NUP205: variants seen among roughly 807,000 people sequenced by gnomAD.
NUP205 encodes the protein nucleoporin 205.
Under a neutral mutation model 253.8 loss-of-function variants are expected in NUP205, and 76 were observed. The ratio of observed to expected loss-of-function variants is 0.30; its 90% confidence interval spans 0.25 to 0.36. The LOEUF (loss-of-function observed/expected upper bound fraction) is 0.36. Among genes scored for constraint, NUP205 ranks in the 10% least tolerant of loss-of-function variants. The pLI is 1.00. For synonymous variants in NUP205, 832 were observed against 850.1 expected (o/e 0.98, Z 0.37); for missense variants, 2,162 against 2,425.5 (o/e 0.89, Z 2.28).
chr7:135,609,350 C>T (rs1213089860), intron 22 of NUP205, among the ~76,000 whole-genome samples: 3 of 151,498 alleles, frequency 2.0e-5, no homozygotes, highest in African/African-American at 7.3e-5. Flanking sequence ...TGGTGGCTGG[C>T]ACCTGTGGTC....
intron 21 of NUP205, 103 bp from the exon 22 acceptor site, chr7:135,607,144 A>G: frequency 7.2e-7 from 1 of 1,384,078 alleles, no homozygotes; most frequent in Non-Finnish European, 9.9e-7. Context: ...GAGTGTTTAC[A>G]GTACAGCATA....
chr7:135,606,254 G>A (rs762719518), intron 20 of NUP205, 28 bp downstream of exon 20: 27 of 1,351,742 alleles, frequency 2.0e-5, no homozygotes, highest in East Asian at 4.6e-5. Flanking sequence ...GTGCATACAC[G>A]CATTCTTTTA....
chr7:135,620,233 G>T (rs1794447535), intron 30 of NUP205, among the ~76,000 whole-genome samples: 1 of 152,040 alleles, frequency 6.6e-6, no homozygotes, highest in African/African-American at 2.4e-5. Context: ...TTATCTAGTT[G>T]ATTCTTTTAA....
chr7:135,597,874 CAG>C, intron 14 of NUP205, 122 bp from the exon 15 acceptor site: 1 of 766,134 alleles, frequency 1.3e-6, no homozygotes, highest in Non-Finnish European at 2.1e-6. Flanking sequence ...AAATGAAAAA[CAG>C]AAATATCTGT....
intron 40 of NUP205, 147 bp from the exon 41 acceptor site, chr7:135,645,321 A>G (rs925487336): frequency 2.3e-6 from 2 of 877,790 alleles, no homozygotes; most frequent in South Asian, 3.4e-5. Context: ...CCTCTTGAGG[A>G]GCCTTCAGTG....
At chr7:135,637,030 GAC>G (rs1794822582) in intron 36 of NUP205, among the ~76,000 whole-genome samples, 2 of 152,056 alleles carry the variant, frequency 1.3e-5, no homozygotes, top group South Asian at 4.1e-4. Context: ...AAAATAATAA[GAC>G]AGTGTGTATT....
intron 19 of NUP205, among the ~76,000 whole-genome samples, chr7:135,605,944 C>T (rs1794078103): frequency 6.7e-6 from 1 of 149,280 alleles, no homozygotes; most frequent in South Asian, 2.1e-4. Context: ...ACTTTTGTTT[C>T]TTTAATTATG....
chr7:135,571,242 A>G lies in NUP205; in HGVS notation c.166A>G (p.Asn56Asp). The change falls in exon 2 of 43, where the codon AAT becomes GAT. Residue 56 changes from asparagine to aspartate, a missense_variant. By Grantham distance (23) the Asn-to-Asp change is conservative (BLOSUM62 1). Coordinates refer to ENST00000285968, the MANE Select transcript of NUP205 (RefSeq NM_015135.3). ...ACCTGACTTCATCTCATTGTTCAAA[A>G]ATCCGGTAAGAAATTTTCTTTTTCA... ...HKPDFISLFK[N>D]PPKNVQQHEK... is the part of the protein sequence containing the mutation. 7.1e-7 allele frequency: 1 copy of G among 1,399,170 alleles called. No homozygotes were observed. The highest frequency in any genetic ancestry group is 1.8e-5 in the South Asian group (1 of 54,202). The allele number at this position is 1,399,170 out of a possible 1,614,324, so 86.7% of individuals were successfully genotyped here. A position where few individuals can be genotyped will look rare whatever the true frequency, so the allele number is the denominator to read the frequency against.
intron 17 of NUP205, among the ~76,000 whole-genome samples, chr7:135,602,601 A>G (rs573450940): frequency 2.0e-5 from 3 of 152,330 alleles, no homozygotes; most frequent in East Asian, 3.9e-4. Flanking sequence ...ACTTGCATAG[A>G]TGAATGGTTT....
At chr7:135,639,782 A>G (rs1335348582) in intron 38 of NUP205, among the ~76,000 whole-genome samples, 1 of 152,224 alleles carries the variant, frequency 6.6e-6, no homozygotes. Context: ...AGCACTATTT[A>G]CAATAGCAAA....
chr7:135,580,624 A>G (rs374900839), intron 7 of NUP205, among the ~76,000 whole-genome samples: 4 of 151,984 alleles, frequency 2.6e-5, no homozygotes, highest in South Asian at 4.2e-4. Context: ...CGCCACACCC[A>G]GCTAAGTTTT....
intron 3 of NUP205, 78 bp from the exon 4 acceptor site, chr7:135,576,192 A>G: frequency 7.9e-7 from 1 of 1,270,240 alleles, no homozygotes; most frequent in Non-Finnish European, 1.1e-6. Context: ...TGAACTGAAC[A>G]TTGTTATATT....
rs1793961375 is a variant in NUP205, at chr7:135,601,372, G to A, written c.2377G>A (p.Glu793Lys). Reference sequence around the variant, plus strand: ...GGAATATGTTATGTTCTATTTAGGAGAAGAAATCATAGCCTATAAGCCACC... The same window carrying A: ...GGAATATGTTATGTTCTATTTAGGAAAAGAAATCATAGCCTATAAGCCACC... ...FVDQFVELQG[E>K]EIIAYKPPGF... Residue 793 changes from glutamate to lysine, a missense_variant and splice_region_variant, in exon 17 of 43, where the codon GAA becomes AAA. By Grantham distance (56) the Glu-to-Lys change is moderately conservative. Around this residue, in one of 5 missense-constraint regions of NUP205, gnomAD observed 892 missense variants for 957.1 expected, o/e 0.93. Coordinates refer to ENST00000285968, the MANE Select transcript of NUP205 (RefSeq NM_015135.3). The A allele has an allele frequency of 1.2e-6, 2 of 1,611,524 alleles. No homozygotes were observed. The highest frequency in any genetic ancestry group is 1.7e-6 in the Non-Finnish European group (2 of 1,178,942).
intron 18 of NUP205, 118 bp downstream of exon 18, chr7:135,603,112 C>CTTTTTTTTTT (rs11300648): frequency 3.3e-6 from 1 of 299,750 alleles, no homozygotes; most frequent in African/African-American, 4.0e-5. Flanking sequence ...CCTCATTTTA[C>CTTTTTTTTTT]TTTTTTTTTT....
chr7:135,576,466 T>A (rs749631182), intron 4 of NUP205, 52 bp downstream of exon 4: 17 of 1,508,764 alleles, frequency 1.1e-5, no homozygotes, highest in Non-Finnish European at 1.5e-5. Context: ...ACTTGAAGTA[T>A]GACAATATTT....
At chr7:135,645,143 A>G in intron 40 of NUP205, 125 bp downstream of exon 40, 1 of 1,043,696 alleles carries the variant, frequency 9.6e-7, no homozygotes, top group Non-Finnish European at 1.4e-6. Context: ...TTCCCAGTAA[A>G]TGCCTAATGT....
Position 135,644,987 on chromosome 7 carries a change from C to A in NUP205, c.5652C>A (p.Asn1884Lys). 2 of 1,614,152 alleles carry A rather than the reference C, an allele frequency of 1.2e-6. No homozygotes were observed. The highest frequency in any genetic ancestry group is 1.7e-6 in the Non-Finnish European group (2 of 1,180,006). ...GACGGCGCTTGGTGAAGGTGATCAA[C>A]AATCGAGCTAAACTGCTTTCCCTTT... ...LARRRLVKVI[N>K]NRAKLLSLCS... Residue 1884 changes from asparagine (N) to lysine (K), a missense_variant, in exon 40 of 43, where the codon AAC (asparagine) becomes AAA (lysine). By Grantham distance (94) the Asn-to-Lys change is moderately conservative (BLOSUM62 0). Coordinates refer to ENST00000285968, the MANE Select transcript of NUP205 (RefSeq NM_015135.3).
chr7:135,646,457 G>T (rs1029002357), intron 42 of NUP205, among the ~76,000 whole-genome samples: 2 of 152,098 alleles, frequency 1.3e-5, no homozygotes, highest in Admixed American at 1.3e-4. Context: ...TACCTGGGAG[G>T]CTGAGGTGGG....
chr7:135,605,181 C>T (rs996713686), intron 19 of NUP205, among the ~76,000 whole-genome samples: 2 of 152,058 alleles, frequency 1.3e-5, no homozygotes, highest in African/African-American at 2.4e-5. Flanking sequence ...CATGCCACCA[C>T]GCCCAGCTAG....
Sources: allele counts gnomAD v4.1 joint callset (sites outside exome capture counted in the v4.1 genomes callset), GRCh38; gene constraint gnomAD v4.1.1; regional missense constraint gnomAD v4.1.1; transcripts MANE v1.5; gene names NCBI Gene and HGNC (gene_info 2026-07-23, HGNC 2026-07-21).